Variants in DGKB observed in about 807,000 individuals in gnomAD.
DGKB encodes diacylglycerol kinase beta.
A neutral mutation model predicts 114.3 loss-of-function variants in DGKB; 67 were observed. The ratio of observed to expected loss-of-function variants is 0.59; its 90% CI spans 0.48 to 0.72. The LOEUF is 0.72. Ranked by LOEUF, DGKB falls within the 30% of genes least tolerant of loss-of-function variation. DGKB has a pLI of 0.00. For missense variants in DGKB, 907 were observed against 975.2 expected (o/e 0.93, Z 0.93); for synonymous variants, 398 against 323.1 (o/e 1.23, Z -2.49).
intron 23 of DGKB, among the ~76,000 whole-genome samples, chr7:14,307,960 A>G (rs1329870300): frequency 7.1e-6 from 1 of 141,598 alleles, no homozygotes; most frequent in Non-Finnish European, 1.5e-5. Context: ...AACAAATATC[A>G]GTAAGAACCT....
At chr7:14,394,187 G>C (rs1368773431) in intron 21 of DGKB, among the ~76,000 whole-genome samples, 24 of 152,106 alleles carry the variant, frequency 1.6e-4, no homozygotes, top group Admixed American at 1.6e-3. Context: ...AGTGACTAAA[G>C]AGATGGGTTT....
intron 1 of DGKB, among the ~76,000 whole-genome samples, chr7:14,930,108 C>T (rs1032829902): frequency 2.0e-5 from 3 of 152,086 alleles, no homozygotes; most frequent in African/African-American, 7.2e-5. Flanking sequence ...CAGTACCATG[C>T]TGTTTTTGTT....
At chr7:14,202,888 CAT>C (rs1293631418) in intron 23 of DGKB, among the ~76,000 whole-genome samples, 5 of 151,926 alleles carry the variant, frequency 3.3e-5, no homozygotes, top group East Asian at 1.9e-4. Context: ...ACTTATTACA[CAT>C]GTTTTTCAGC....
intron 23 of DGKB, among the ~76,000 whole-genome samples, chr7:14,179,982 C>T (rs1782392810): frequency 6.6e-6 from 1 of 152,078 alleles, no homozygotes; most frequent in Admixed American, 6.6e-5. Flanking sequence ...CAGCTGTAGC[C>T]GGCACTAAAA....
At chr7:14,448,430 C>T (rs969193338) in intron 21 of DGKB, among the ~76,000 whole-genome samples, 9 of 151,952 alleles carry the variant, frequency 5.9e-5, no homozygotes, top group Non-Finnish European at 1.3e-4. Flanking sequence ...ACACAACATG[C>T]ACTGAACACT....
At chr7:14,313,784 C>G (rs1805903800) in intron 23 of DGKB, among the ~76,000 whole-genome samples, 1 of 152,180 alleles carries the variant, frequency 6.6e-6, no homozygotes, top group Non-Finnish European at 1.5e-5. Flanking sequence ...CCCACCACAG[C>G]TCAAGGAGGC....
At chr7:14,325,551 C>G (rs1255099256) in intron 23 of DGKB, among the ~76,000 whole-genome samples, 1 of 152,100 alleles carries the variant, frequency 6.6e-6, no homozygotes, top group Non-Finnish European at 1.5e-5. Context: ...GATAAATATT[C>G]TAATAGGAAT....
At chr7:14,199,412 G>A (rs1398859474) in intron 23 of DGKB, among the ~76,000 whole-genome samples, 1 of 151,978 alleles carries the variant, frequency 6.6e-6, no homozygotes, top group Non-Finnish European at 1.5e-5. Flanking sequence ...AGATGAATGG[G>A]AAATGTAATT....
rs754087921 is a variant in DGKB, at chr7:14,958,426, AACACACACACACACAC to A, written c.-188+16254_-188+16269del. ...CAAACCCCACACCAATACCTCTCCC[AACACACACACACACAC>A]ACACACACACACACACACACACACA... On this transcript the variant is annotated intron_variant, in intron 1 of 4. Coordinates refer to the DGKB transcript ENST00000437998. Among the ~76,000 whole-genome samples, 520 of 122,856 alleles carry A rather than the reference AACACACACACACACAC, an allele frequency of 4.2e-3. 4 individuals carry two copies. Among genetic ancestry groups the A allele is most frequent in the African/African-American group, 0.014 (444 of 31,384 alleles). 80.6% of individuals were successfully genotyped at this position (122,856 alleles called of 152,430 possible). A position where few individuals can be genotyped will look rare whatever the true frequency, so the allele number is the denominator to read the frequency against.
intron 21 of DGKB, among the ~76,000 whole-genome samples, chr7:14,431,503 T>C (rs1583889068): frequency 6.6e-6 from 1 of 152,148 alleles, no homozygotes; most frequent in Admixed American, 6.6e-5. Flanking sequence ...TTCAAAGCTC[T>C]GACACCATGT....
At chr7:14,487,652 GGCT>G (rs1784022228) in intron 20 of DGKB, among the ~76,000 whole-genome samples, 1 of 135,408 alleles carries the variant, frequency 7.4e-6, no homozygotes, top group Non-Finnish European at 1.6e-5. Context: ...TGGTGACATT[GGCT>G]GCAGTGCAGT....
At chr7:14,782,986 G>C (rs901350006) in intron 2 of DGKB, among the ~76,000 whole-genome samples, 10 of 152,076 alleles carry the variant, frequency 6.6e-5, no homozygotes, top group African/African-American at 1.4e-4. Flanking sequence ...ATGTGAGCCT[G>C]TCTGGCTCAC....
At chr7:14,717,122 G>A (rs530532129) in intron 6 of DGKB, among the ~76,000 whole-genome samples, 2 of 152,166 alleles carry the variant, frequency 1.3e-5, no homozygotes, top group South Asian at 4.1e-4. Flanking sequence ...TGCAACTGTA[G>A]ACAAAATCTA....
chr7:14,766,193 C>A (rs547050485), intron 2 of DGKB, among the ~76,000 whole-genome samples: 2 of 151,902 alleles, frequency 1.3e-5, no homozygotes, highest in Non-Finnish European at 2.9e-5. Context: ...ACTGTTCCAA[C>A]TATTGGAATA....
chr7:14,424,814 A>T (rs1026005849), intron 21 of DGKB, among the ~76,000 whole-genome samples: 13 of 152,094 alleles, frequency 8.5e-5, no homozygotes, highest in Non-Finnish European at 1.8e-4. Context: ...AAGTAGTAGA[A>T]CAGGAATTCA....
chr7:14,858,928 C>T (rs1453950493), intron 1 of DGKB, among the ~76,000 whole-genome samples: 1 of 152,108 alleles, frequency 6.6e-6, no homozygotes, highest in Admixed American at 6.6e-5. Flanking sequence ...TAATCTCAGT[C>T]TATTAGGGAA....
intron 23 of DGKB, among the ~76,000 whole-genome samples, chr7:14,337,104 A>G (rs990684564): frequency 6.6e-6 from 1 of 152,156 alleles, no homozygotes; most frequent in African/African-American, 2.4e-5. Flanking sequence ...TATGGTCCTT[A>G]AGCTAATTGC....
chr7:14,174,380 G>C (rs1457188647), intron 25 of DGKB, among the ~76,000 whole-genome samples: 1 of 152,188 alleles, frequency 6.6e-6, no homozygotes, highest in Non-Finnish European at 1.5e-5. Flanking sequence ...CATGGGTCAA[G>C]TGTCTCCAAC....
intron 23 of DGKB, among the ~76,000 whole-genome samples, chr7:14,232,918 G>T (rs764388055): frequency 6.6e-6 from 1 of 151,980 alleles, no homozygotes; most frequent in African/African-American, 2.4e-5. Flanking sequence ...AAGCTCTAAT[G>T]TGTCAATTTC....
Sources: gnomAD v4.1 joint callset for allele counts (sites outside exome capture counted in the v4.1 genomes callset) on GRCh38, gnomAD v4.1.1 for gene constraint, MANE v1.5 for transcripts, NCBI Gene and HGNC (gene_info 2026-07-23, HGNC 2026-07-21) for gene names.